The following ACAA2 variants were observed in gnomAD, a reference collection of about 807,000 sequenced individuals.
ACAA2 encodes 3-ketoacyl-CoA thiolase, mitochondrial.
In ACAA2, 35 loss-of-function variants were observed where a neutral mutation model predicts 44.8. The ratio of observed to expected loss-of-function variants is 0.78; its 90% confidence interval spans 0.60 to 1.04. The LOEUF (loss-of-function observed/expected upper bound fraction) is 1.04. Among genes scored for constraint, ACAA2 ranks in the 50% least tolerant of loss-of-function variants. ACAA2 has a pLI of 0.00. For missense variants in ACAA2, 468 were observed against 482.6 expected, an observed-to-expected ratio of 0.97 and a Z score of 0.28; for synonymous variants, 142 against 166.5, an observed-to-expected ratio of 0.85 and a Z score of 1.13.
intron 1 of ACAA2, among the ~76,000 whole-genome samples, chr18:49,805,273 AG>A (rs2023598714): frequency 1.3e-5 from 2 of 152,342 alleles, no homozygotes; most frequent in South Asian, 4.1e-4. Flanking sequence ...AAACAAACCA[AG>A]CCTAGCCTAA....
At position 49,787,272 on chromosome 18, in the gene ACAA2, A is replaced by C. The variant is rs12963897; in HGVS notation, c.954+19T>G. 10,594 of 1,347,830 alleles carry C rather than the reference A, an allele frequency of 7.9e-3. 34 individuals are homozygous for C. The highest frequency in any genetic ancestry group is 0.015 in the South Asian group (982 of 63,984). 83.5% of individuals were successfully genotyped at this position (1,347,830 alleles called of 1,614,324 possible). A position where few individuals can be genotyped will look rare whatever the true frequency, so the allele number is the denominator to read the frequency against. On this transcript the variant is annotated intron_variant, in intron 8 of 9. Coordinates refer to ENST00000285093, the MANE Select transcript of ACAA2 (RefSeq NM_006111.3). Reference sequence around the variant, plus strand: ...TTATTCATGTTGTTAAAAAAAAAAAAAAAAAAAAAAACACTTACCTCTACC... The same window carrying C: ...TTATTCATGTTGTTAAAAAAAAAAACAAAAAAAAAAACACTTACCTCTACC...
intron 5 of ACAA2, among the ~76,000 whole-genome samples, chr18:49,794,068 A>G (rs2023436463): frequency 6.6e-6 from 1 of 152,186 alleles, no homozygotes; most frequent in Admixed American, 6.5e-5. Context: ...CCACTTTTTA[A>G]GTAGTACTAA....
chr18:49,800,759 G>A (rs1242402885), intron 2 of ACAA2, among the ~76,000 whole-genome samples: 8 of 152,106 alleles, frequency 5.3e-5, no homozygotes, highest in Non-Finnish European at 8.8e-5. Flanking sequence ...CACAAACACT[G>A]CAGAAGGCCG....
intron 2 of ACAA2, among the ~76,000 whole-genome samples, chr18:49,798,742 A>G (rs1382402265): frequency 1.3e-5 from 2 of 152,182 alleles, no homozygotes; most frequent in Non-Finnish European, 2.9e-5. Flanking sequence ...TCTACTAACT[A>G]AATGTTTCAT....
At chr18:49,812,809 G>C (rs1303417957) in intron 1 of ACAA2, 1 of 152,174 alleles carries the variant, frequency 6.6e-6, no homozygotes, top group Non-Finnish European at 1.5e-5. Flanking sequence ...TCAGGGCCTC[G>C]ATATGTATTC....
chr18:49,789,706 G>A (rs904042484), intron 7 of ACAA2, among the ~76,000 whole-genome samples: 5 of 150,154 alleles, frequency 3.3e-5, no homozygotes, highest in African/African-American at 1.2e-4. Flanking sequence ...CTCTTGGGCT[G>A]GGCATGGTGG....
chr18:49,796,458 C>T (rs554433155), intron 3 of ACAA2, among the ~76,000 whole-genome samples: 23 of 152,066 alleles, frequency 1.5e-4, no homozygotes, highest in Non-Finnish European at 2.1e-4. Context: ...TAAGATATAT[C>T]GTTATAGAAA....
intron 1 of ACAA2, among the ~76,000 whole-genome samples, chr18:49,808,435 G>A (rs2023632788): frequency 6.6e-6 from 1 of 152,148 alleles, no homozygotes; most frequent in African/African-American, 2.4e-5. Context: ...AAACTTGAAG[G>A]CAACCACGAT....
chr18:49,791,538 TTA>T lies in ACAA2; in HGVS notation c.813_814del (p.His271GlnfsTer17), dbSNP rs2023399381. The T allele has an allele frequency of 3.7e-6, 6 of 1,612,806 alleles. No individual in the cohort carries two copies. The East Asian group carries it at 1.3e-4, about 36-fold the overall frequency. On this transcript the variant is annotated frameshift_variant, in exon 7 of 10. Transcript: ENST00000285093. LOFTEE classifies it high-confidence loss of function. Reference sequence around the variant, plus strand: ...CACAATTCTTGCCAGTGGTGTGAAGTTATGTTTCTTAACAGCATCTTCACTAG... The same window carrying T: ...CACAATTCTTGCCAGTGGTGTGAAGTTGTTTCTTAACAGCATCTTCACTAG...
At chr18:49,810,998 T>C (rs2023663999) in intron 1 of ACAA2, among the ~76,000 whole-genome samples, 1 of 83,716 alleles carries the variant, frequency 1.2e-5, no homozygotes, top group South Asian at 3.1e-4. Flanking sequence ...ATTTCATAAA[T>C]TGTATACCAT....
intron 1 of ACAA2, among the ~76,000 whole-genome samples, chr18:49,807,469 A>G (rs1273681170): frequency 2.0e-5 from 3 of 152,226 alleles, no homozygotes; most frequent in African/African-American, 7.2e-5. Context: ...GGGTTTGGTG[A>G]TAATTTTTTA....
At chr18:49,808,518 G>A (rs1306192196) in intron 1 of ACAA2, among the ~76,000 whole-genome samples, 2 of 152,168 alleles carry the variant, frequency 1.3e-5, no homozygotes, top group African/African-American at 4.8e-5. Context: ...GCCGGTCTGA[G>A]AAACAGAAAG....
chr18:49,808,836 T>C (rs1598803467), intron 1 of ACAA2, among the ~76,000 whole-genome samples: 1 of 152,330 alleles, frequency 6.6e-6, no homozygotes, highest in East Asian at 1.9e-4. Flanking sequence ...ACATATTGTC[T>C]TGATAAACAT....
At chr18:49,801,078 G>A (rs2023542796) in intron 2 of ACAA2, among the ~76,000 whole-genome samples, 1 of 152,060 alleles carries the variant, frequency 6.6e-6, no homozygotes, top group Non-Finnish European at 1.5e-5. Context: ...GGATTTCATT[G>A]TTTCCTATGA....
At chr18:49,787,779 G>A (rs2023351066) in intron 7 of ACAA2, among the ~76,000 whole-genome samples, 1 of 152,204 alleles carries the variant, frequency 6.6e-6, no homozygotes, top group African/African-American at 2.4e-5. Flanking sequence ...AGCCAAAGGA[G>A]TCCATATATG....
At chr18:49,807,178 T>G (rs2023618118) in intron 1 of ACAA2, among the ~76,000 whole-genome samples, 1 of 152,138 alleles carries the variant, frequency 6.6e-6, no homozygotes, top group African/African-American at 2.4e-5. Context: ...GAGGACTGTG[T>G]CAGGATAGGA....
At chr18:49,798,714 C>A (rs1459474512) in intron 2 of ACAA2, among the ~76,000 whole-genome samples, 2 of 152,060 alleles carry the variant, frequency 1.3e-5, no homozygotes, top group African/African-American at 4.8e-5. Flanking sequence ...GGGAGGAACT[C>A]AGTATAACAT....
At chr18:49,809,576 A>G (rs1300914184) in intron 1 of ACAA2, among the ~76,000 whole-genome samples, 2 of 152,242 alleles carry the variant, frequency 1.3e-5, no homozygotes, top group Non-Finnish European at 2.9e-5. Flanking sequence ...CAAGCCATAA[A>G]AGGAAGGAAT....
At position 49,802,966 on chromosome 18, in the gene ACAA2, T is replaced by G. The variant is rs749332760; in HGVS notation, c.17-113A>C. 2.4e-6 allele frequency: 3 copies of G among 1,272,354 alleles called. No homozygotes were observed. The African/African-American group carries it at 4.4e-5, about 19-fold the overall frequency. The allele number at this position is 1,272,354 out of a possible 1,614,324, so 78.8% of individuals were successfully genotyped here. A position where few individuals can be genotyped will look rare whatever the true frequency, so the allele number is the denominator to read the frequency against. On this transcript the variant is annotated intron_variant, in intron 1 of 9. Coordinates refer to ENST00000285093, the MANE Select transcript of ACAA2 (RefSeq NM_006111.3). Reference sequence around the variant, plus strand: ...CAATTTAAAATTAGATAATGGAAATTTCTGTTAGGCAATAATACCTAGAAC... The same window carrying G: ...CAATTTAAAATTAGATAATGGAAATGTCTGTTAGGCAATAATACCTAGAAC...
Sources: allele counts gnomAD v4.1 joint callset (sites outside exome capture counted in the v4.1 genomes callset), GRCh38; gene constraint gnomAD v4.1.1; transcripts MANE v1.5; gene names NCBI Gene and HGNC (gene_info 2026-07-23, HGNC 2026-07-21).